OSBPL3: variants seen among roughly 807,000 people sequenced by gnomAD.
OSBPL3 encodes the protein oxysterol-binding protein-related protein 3.
A neutral mutation model predicts 120.1 loss-of-function variants in OSBPL3; 65 were observed. The observed-to-expected ratio is 0.54, with a 90% confidence interval of 0.44 to 0.67. The LOEUF (loss-of-function observed/expected upper bound fraction) is 0.67, where lower values mean the gene tolerates loss of function less well. OSBPL3 is among the 30% of genes least tolerant of loss of function. The pLI is 0.00. For missense variants in OSBPL3, 1,004 were observed against 1,082.1 expected (o/e 0.93, Z 1.01); for synonymous variants, 416 against 402.6 (o/e 1.03, Z -0.40).
intron 1 of OSBPL3, among the ~76,000 whole-genome samples, chr7:24,973,929 T>C (rs1817299201): frequency 6.6e-6 from 1 of 152,166 alleles, no homozygotes; most frequent in South Asian, 2.1e-4. Context: ...ATAGGAGCCA[T>C]AGATGTAATT....
intron 12 of OSBPL3, among the ~76,000 whole-genome samples, chr7:24,845,704 T>C (rs1798369039): frequency 6.6e-6 from 1 of 152,166 alleles, no homozygotes; most frequent in African/African-American, 2.4e-5. Flanking sequence ...TTGCAATTTT[T>C]TTCTATTGCA....
intron 19 of OSBPL3, among the ~76,000 whole-genome samples, chr7:24,814,460 A>T (rs1235261175): frequency 2.1e-5 from 3 of 142,960 alleles, no homozygotes; most frequent in Non-Finnish European, 4.6e-5. Flanking sequence ...GCATGACATT[A>T]AAAAAAAAAA....
chr7:24,979,721 C>G (rs60689900), intron 1 of OSBPL3, among the ~76,000 whole-genome samples, 165 bp downstream of exon 1: 20,043 of 152,136 alleles, frequency 0.13, 1,453 homozygotes, highest in East Asian at 0.17. Context: ...CCCAAGCTCC[C>G]AGGCTTGGGT....
At position 24,871,974 on chromosome 7, in the gene OSBPL3, C is replaced by A. The variant is rs1802182511; in HGVS notation, c.192G>T (p.Trp64Cys). ...TTACCTTATGCCAGCCTTTTAAGGG[C>A]CACTTCCTCTTTTTCAGCAAAAATC... ...QKGFLLKKRK[W>C]PLKGWHKRFF... The change falls in exon 3 of 23, where the codon TGG becomes TGT. Residue 64 changes from tryptophan to cysteine, a missense_variant. By Grantham distance (215) the Trp-to-Cys change is radical. Transcript: ENST00000313367. The surrounding 1 kb of genome is among the most constrained non-coding windows in gnomAD (Gnocchi z 4.8). 2.5e-6 allele frequency: 4 copies of A among 1,613,292 alleles called. No individual in the cohort carries two copies. The highest frequency in any genetic ancestry group is 1.7e-5 in the Admixed American group (1 of 60,000).
chr7:24,969,145 T>C (rs567485451), intron 1 of OSBPL3, among the ~76,000 whole-genome samples: 4 of 152,358 alleles, frequency 2.6e-5, no homozygotes, highest in African/African-American at 7.2e-5. Context: ...CTTCAAAACT[T>C]TGCCAACACT....
chr7:24,971,072 C>A (rs1024028585), intron 1 of OSBPL3, among the ~76,000 whole-genome samples: 1 of 152,258 alleles, frequency 6.6e-6, no homozygotes, highest in Non-Finnish European at 1.5e-5. Context: ...CCCTGTCCAG[C>A]TCAAAGAGGC....
In OSBPL3 at chr7:24,966,563, G is replaced by A. The variant is rs1816405685; in HGVS notation, c.-150+13323C>T. On this transcript the variant is annotated intron_variant, in intron 1 of 22. Coordinates refer to ENST00000313367, the MANE Select transcript of OSBPL3 (RefSeq NM_015550.4). The surrounding 1 kb of genome is among the most constrained non-coding windows in gnomAD (Gnocchi z 4.8). ...TGCATTGGCAGGTGTGCATGAAGAA[G>A]GCCAGGCAGTCCTTTTTCTGAGCCA... Among the ~76,000 whole-genome samples, 2 of 152,204 alleles carry A rather than the reference G, an allele frequency of 1.3e-5. No individual in the cohort carries two copies. The highest frequency in any genetic ancestry group is 2.4e-5 in the African/African-American group (1 of 41,452).
At chr7:24,853,951 C>G (rs1799494310) in intron 10 of OSBPL3, among the ~76,000 whole-genome samples, 1 of 152,228 alleles carries the variant, frequency 6.6e-6, no homozygotes, top group Non-Finnish European at 1.5e-5. Context: ...TCCCCCAGCT[C>G]TAACCCTGGC....
In OSBPL3 at chr7:24,851,285, G is replaced by T. The variant is rs547728393; in HGVS notation, c.1158+1219C>A. Among the ~76,000 whole-genome samples the T allele has an allele frequency of 5.9e-5, 9 of 152,338 alleles. No homozygotes were observed. The South Asian group carries it at 1.9e-3, about 32-fold the overall frequency. The stretch of plus-strand genomic sequence containing the variant: ...CAATAAAAAGGGGGCGATTCTATCT[G>T]TGACCTTAAGACAACGTTAAGACTC... On this transcript the variant is annotated intron_variant, in intron 11 of 22. Transcript: ENST00000313367. The surrounding 1 kb of genome is among the most constrained non-coding windows in gnomAD (Gnocchi z 4.1).
chr7:24,846,902 A>C (rs1011930687), intron 12 of OSBPL3, among the ~76,000 whole-genome samples: 2 of 152,112 alleles, frequency 1.3e-5, no homozygotes, highest in African/African-American at 2.4e-5. Flanking sequence ...GTCTCTACTA[A>C]AAATACAAAA....
chr7:24,828,515 C>T (rs148541864), intron 16 of OSBPL3, among the ~76,000 whole-genome samples: 92 of 144,596 alleles, frequency 6.4e-4, no homozygotes, highest in African/African-American at 2.1e-3. Context: ...GGCTGAGGTG[C>T]GAGGATCACT....
intron 1 of OSBPL3, among the ~76,000 whole-genome samples, chr7:24,929,381 C>T (rs1811500620): frequency 6.6e-6 from 1 of 152,182 alleles, no homozygotes; most frequent in African/African-American, 2.4e-5. Context: ...CCATCTATCC[C>T]ACCTCATTTC....
intron 1 of OSBPL3, among the ~76,000 whole-genome samples, chr7:24,914,363 A>G (rs1809260030): frequency 6.6e-6 from 1 of 151,950 alleles, no homozygotes; most frequent in Non-Finnish European, 1.5e-5. Flanking sequence ...GCTTCCAGCC[A>G]CTTGCCCCAG....
chr7:24,886,726 C>T (rs962993555), intron 2 of OSBPL3, among the ~76,000 whole-genome samples: 1 of 152,230 alleles, frequency 6.6e-6, no homozygotes, highest in Non-Finnish European at 1.5e-5. Context: ...AGAGGAAAGA[C>T]GATGGCAGTG....
chr7:24,879,819 G>A lies in OSBPL3; in HGVS notation c.97-7750C>T, dbSNP rs149959536. 3.3e-3 allele frequency among the ~76,000 whole-genome samples: 498 copies of A among 152,278 alleles called. 1 individual carries two copies. In the Middle Eastern group the frequency reaches 0.041, roughly 12 times the overall value. On this transcript the variant is annotated intron_variant, in intron 2 of 22. Coordinates refer to ENST00000313367, the MANE Select transcript of OSBPL3 (RefSeq NM_015550.4). This position sits in a 1 kb window ranked among gnomAD's most constrained non-coding sequence, Gnocchi z 5.6. ...TCAATGTACATATGACTATTTCCAC[G>A]CTGTTGATCACTCACTCAGCATTTA...
chr7:24,820,127 A>G lies in OSBPL3; in HGVS notation c.1948+48T>C, dbSNP rs751644495. The G allele has an allele frequency of 2.4e-6, 3 of 1,272,858 alleles. No homozygotes were observed. The highest frequency in any genetic ancestry group is 1.7e-5 in the Admixed American group (1 of 57,474). 78.8% of individuals were successfully genotyped at this position (1,272,858 alleles called of 1,614,324 possible). ...AGCAATTCTTGGATAAAATAAATAG[A>G]TAACATATTACACAATATGATGGAA... On this transcript the variant is annotated intron_variant, in intron 17 of 22. Coordinates refer to ENST00000313367, the MANE Select transcript of OSBPL3 (RefSeq NM_015550.4). This position sits in a 1 kb window ranked among gnomAD's most constrained non-coding sequence, Gnocchi z 4.6.
Position 24,894,286 on chromosome 7 carries a change from C to G in OSBPL3, c.-149-1665G>C, listed in dbSNP as rs1473188611. Among the ~76,000 whole-genome samples the G allele has an allele frequency of 2.0e-5, 3 of 152,094 alleles. No homozygotes were observed. The highest frequency in any genetic ancestry group is 4.4e-5 in the Non-Finnish European group (3 of 68,024). ...ATTCCCATGTTACTCTTAGGTAACT[C>G]CCCAAATCTCTTTATTCATTTAGTA... On this transcript the variant is annotated intron_variant, in intron 1 of 22. Coordinates refer to ENST00000313367, the MANE Select transcript of OSBPL3 (RefSeq NM_015550.4). This position sits in a 1 kb window ranked among gnomAD's most constrained non-coding sequence, Gnocchi z 4.1.
chr7:24,901,233 A>G (rs1261869832), intron 1 of OSBPL3, among the ~76,000 whole-genome samples: 1 of 150,824 alleles, frequency 6.6e-6, no homozygotes, highest in Non-Finnish European at 1.5e-5. Context: ...AGGCTGAGGC[A>G]GGAGAATTGC....
At position 24,809,962 on chromosome 7, in the gene OSBPL3, A is replaced by G. The variant is rs1793566785; in HGVS notation, c.2173-11T>C. On this transcript the variant is annotated splice_polypyrimidine_tract_variant and intron_variant, in intron 19 of 22. Coordinates refer to ENST00000313367, the MANE Select transcript of OSBPL3 (RefSeq NM_015550.4). ...GCTCCAGTATTTTGCCTAGGATTCA[A>G]ATGAGTTGTTGGCTTAGTCCTTTAG... The G allele has an allele frequency of 5.6e-6, 9 of 1,614,102 alleles. No individual in the cohort carries two copies. Among genetic ancestry groups the G allele is most frequent in the Non-Finnish European group, 6.8e-6 (8 of 1,179,946 alleles).
Sources: gnomAD v4.1 joint callset for allele counts (sites outside exome capture counted in the v4.1 genomes callset) on GRCh38, gnomAD v4.1.1 for gene constraint, Gnocchi (gnomAD v3.1) non-coding constraint, MANE v1.5 for transcripts, NCBI Gene and HGNC (gene_info 2026-07-23, HGNC 2026-07-21) for gene names.